The following MMP26 variants were observed in gnomAD, a reference collection of about 807,000 sequenced individuals.
MMP26 encodes matrix metalloproteinase-26.
In MMP26, 33 loss-of-function variants were observed where a neutral mutation model predicts 31.0. That is an observed-to-expected ratio of 1.06 (90% confidence interval 0.81 to 1.42). The LOEUF is 1.42. Among genes scored for constraint, MMP26 ranks in the 40% most tolerant of loss-of-function variants. MMP26 has a pLI of 0.00. For missense variants in MMP26, 347 were observed against 316.1 expected, an observed-to-expected ratio of 1.10 and a Z score of -0.74; for synonymous variants, 122 against 114.9, an observed-to-expected ratio of 1.06 and a Z score of -0.40.
chr11:4,810,767 C>T (rs1385525717), intron 2 of MMP26, among the ~76,000 whole-genome samples: 1 of 152,208 alleles, frequency 6.6e-6, no homozygotes, highest in Non-Finnish European at 1.5e-5. Flanking sequence ...CCTCTTCACT[C>T]AATCTGAACA....
intron 2 of MMP26, among the ~76,000 whole-genome samples, chr11:4,783,104 G>T (rs1252637629): frequency 6.6e-6 from 1 of 152,176 alleles, no homozygotes; most frequent in Non-Finnish European, 1.5e-5. Flanking sequence ...ATGAGAAGAG[G>T]GACACGATCC....
At chr11:4,933,794 A>G (rs918244533) in intron 2 of MMP26, among the ~76,000 whole-genome samples, 22 of 144,386 alleles carry the variant, frequency 1.5e-4, no homozygotes, top group Non-Finnish European at 3.3e-4. Flanking sequence ...TCATTGTTCA[A>G]TTCCCACCTA....
intron 1 of MMP26, chr11:4,710,671 G>A (rs1847849677): frequency 3.0e-6 from 1 of 336,446 alleles, no homozygotes; most frequent in Non-Finnish European, 5.9e-6. Flanking sequence ...AGTTCTAAAT[G>A]GTGAGTTATT....
chr11:4,847,547 G>C (rs370713245), intron 2 of MMP26: 2 of 152,194 alleles, frequency 1.3e-5, no homozygotes, highest in Admixed American at 6.5e-5. Context: ...ATAGTGATCA[G>C]ATCAGGGTGA....
At chr11:4,778,197 T>C (rs541739758) in intron 2 of MMP26, among the ~76,000 whole-genome samples, 1 of 152,226 alleles carries the variant, frequency 6.6e-6, no homozygotes, top group African/African-American at 2.4e-5. Flanking sequence ...TTAATTTTAA[T>C]TTCTTTATGA....
In MMP26 at chr11:4,947,296, C is replaced by T. The variant is rs550385848; in HGVS notation, c.-144-40772C>T. 2 of 395,930 alleles carry T rather than the reference C, an allele frequency of 5.1e-6. 1 individual carries two copies. The highest frequency in any genetic ancestry group is 9.2e-6 in the Non-Finnish European group (2 of 218,390). 24.5% of individuals were successfully genotyped at this position (395,930 alleles called of 1,614,324 possible). A position where few individuals can be genotyped will look rare whatever the true frequency, so the allele number is the denominator to read the frequency against. On this transcript the variant is annotated intron_variant, in intron 2 of 7. Coordinates refer to ENST00000380390, the MANE Select transcript of MMP26 (RefSeq NM_021801.5). ...GTTGCTGCTTTGGACTATAATCTGT[C>T]GTATAATACATTGGAAAAATTATTT... is the stretch of plus-strand genomic sequence containing the variant.
At chr11:4,824,353 ACT>A (rs1849553797) in intron 2 of MMP26, among the ~76,000 whole-genome samples, 2 of 152,056 alleles carry the variant, frequency 1.3e-5, no homozygotes, top group African/African-American at 4.8e-5. Context: ...GGGTCCCATC[ACT>A]CTGACAGCCA....
chr11:4,814,980 A>G (rs1564916217), intron 2 of MMP26, among the ~76,000 whole-genome samples: 2 of 152,136 alleles, frequency 1.3e-5, no homozygotes, highest in Non-Finnish European at 2.9e-5. Context: ...GCTTTTATAC[A>G]TTTTAGGAAG....
At chr11:4,790,645 G>T (rs952821837) in intron 2 of MMP26, among the ~76,000 whole-genome samples, 1 of 152,142 alleles carries the variant, frequency 6.6e-6, no homozygotes, top group South Asian at 2.1e-4. Context: ...TAGTAGGAAA[G>T]GGCCCAGGTA....
chr11:4,793,453 G>C (rs1256505358), intron 2 of MMP26, among the ~76,000 whole-genome samples: 5 of 152,058 alleles, frequency 3.3e-5, no homozygotes, highest in Non-Finnish European at 7.4e-5. Flanking sequence ...GAAGAGTCAA[G>C]GTAGTCTTAG....
At chr11:4,859,101 A>C (rs752659927) in intron 2 of MMP26, among the ~76,000 whole-genome samples, 4 of 152,150 alleles carry the variant, frequency 2.6e-5, no homozygotes, top group Non-Finnish European at 5.9e-5. Flanking sequence ...AAATATTAGA[A>C]CTAAAACCAT....
chr11:4,810,649 G>T (rs1849337625), intron 2 of MMP26, among the ~76,000 whole-genome samples: 2 of 152,264 alleles, frequency 1.3e-5, no homozygotes, highest in East Asian at 3.9e-4. Context: ...AGGTAGCTGT[G>T]GTTGTGAGAC....
chr11:4,871,602 C>G (rs896040702), intron 2 of MMP26: 2 of 152,110 alleles, frequency 1.3e-5, no homozygotes, highest in Non-Finnish European at 2.9e-5. Flanking sequence ...CTGGGGGCAT[C>G]TCCAGGAAGT....
intron 2 of MMP26, among the ~76,000 whole-genome samples, chr11:4,845,797 A>G (rs1849858859): frequency 6.6e-6 from 1 of 152,204 alleles, no homozygotes; most frequent in African/African-American, 2.4e-5. Flanking sequence ...GTACATAAAC[A>G]TTTCTCAAAT....
At chr11:4,845,231 T>C (rs1390425894) in intron 2 of MMP26, among the ~76,000 whole-genome samples, 1 of 152,012 alleles carries the variant, frequency 6.6e-6, no homozygotes, top group Non-Finnish European at 1.5e-5. Flanking sequence ...ATGAAAACTA[T>C]AAAACACGGA....
intron 2 of MMP26, among the ~76,000 whole-genome samples, chr11:4,904,217 T>C (rs2133561816): frequency 6.6e-6 from 1 of 152,220 alleles, no homozygotes; most frequent in East Asian, 1.9e-4. Context: ...GTAGATACCA[T>C]TGTTTACCAC....
At chr11:4,872,691 A>G (rs1450074379) in intron 2 of MMP26, among the ~76,000 whole-genome samples, 4 of 151,940 alleles carry the variant, frequency 2.6e-5, no homozygotes, top group Non-Finnish European at 5.9e-5. Flanking sequence ...CTTTCTTTCC[A>G]TCTTCTGCCT....
At chr11:4,795,735 G>A (rs529423549) in intron 2 of MMP26, among the ~76,000 whole-genome samples, 154 of 152,170 alleles carry the variant, frequency 1.0e-3, no homozygotes, top group Admixed American at 1.7e-3. Context: ...CTGTGGGCAG[G>A]TCTAAACCTT....
intron 2 of MMP26, among the ~76,000 whole-genome samples, chr11:4,846,223 A>C (rs1849864664): frequency 6.6e-6 from 1 of 152,214 alleles, no homozygotes; most frequent in Non-Finnish European, 1.5e-5. Context: ...ATTCAGCCAT[A>C]AAATGAATGA....
Sources: allele counts gnomAD v4.1 joint callset (sites outside exome capture counted in the v4.1 genomes callset), GRCh38; gene constraint gnomAD v4.1.1; transcripts MANE v1.5; gene names NCBI Gene and HGNC (gene_info 2026-07-23, HGNC 2026-07-21).